The following CFAP65 variants were observed in gnomAD, a reference collection of about 807,000 sequenced individuals.
CFAP65 encodes cilia- and flagella-associated protein 65.
In CFAP65, 155 loss-of-function variants were observed where a neutral mutation model predicts 208.0. The ratio of observed to expected loss-of-function variants is 0.75; its 90% confidence interval spans 0.65 to 0.85. CFAP65 has a LOEUF of 0.85. Among genes scored for constraint, CFAP65 ranks in the 40% least tolerant of loss-of-function variants. CFAP65 has a pLI of 0.00. For synonymous variants in CFAP65, 970 were observed against 986.3 expected (o/e 0.98, Z 0.31); for missense variants, 2,294 against 2,451.3 (o/e 0.94, Z 1.36).
intron 24 of CFAP65, among the ~76,000 whole-genome samples, chr2:219,012,983 AAAG>A (rs1946586207): frequency 6.6e-6 from 1 of 152,212 alleles, no homozygotes; most frequent in African/African-American, 2.4e-5. Context: ...GTTCATGGTC[AAAG>A]AAGTTTGAAG....
Position 219,028,374 on chromosome 2 carries a change from T to C in CFAP65, c.1678A>G (p.Thr560Ala), listed in dbSNP as rs543511814. The change falls in exon 12 of 35, where the codon ACC becomes GCC. Residue 560 changes from threonine (T) to alanine (A), a missense_variant. Transcript: ENST00000341552. ...QDPLFLDLMG[T>A]CHSDSTKPAI... ...GGCTTGGTGCTGTCCGAGTGGCAGG[T>C]CCCCATCAGGTCCAGGAACAGTGGG... 1 of 1,600,882 alleles carries C rather than the reference T, an allele frequency of 6.2e-7. No individual in the cohort carries two copies. The highest frequency in any genetic ancestry group is 1.1e-5 in the South Asian group (1 of 90,490).
In CFAP65 at chr2:219,010,641, A is replaced by G; in HGVS notation, c.4213T>C (p.Tyr1405His). Reference sequence around the variant, plus strand: ...GTGTCCCCCATCATATGGGGGTTGTAGCCCACTCCCTGGAAGTGGATGAGG... The same window carrying G: ...GTGTCCCCCATCATATGGGGGTTGTGGCCCACTCCCTGGAAGTGGATGAGG... ...SALIHFQGVG[Y>H]NPHMMGDTAP... The change falls in exon 26 of 35, where the codon TAC (tyrosine) becomes CAC (histidine). Residue 1405 changes from tyrosine to histidine, a missense_variant. Tyr to His is a moderately conservative substitution (Grantham distance 83). Coordinates refer to ENST00000341552, the MANE Select transcript of CFAP65 (RefSeq NM_194302.4). 1 of 1,611,584 alleles carries G rather than the reference A, an allele frequency of 6.2e-7. No individual in the cohort carries two copies. Among genetic ancestry groups the G allele is most frequent in the Non-Finnish European group, 8.5e-7 (1 of 1,179,400 alleles).
rs753846294 is a variant in CFAP65, at chr2:219,009,428, A to G, written c.4485T>C (p.Ala1495=). Residue 1495 remains alanine (A), a synonymous_variant, in exon 28 of 35, where the codon GCT becomes GCC. Coordinates refer to ENST00000341552, the MANE Select transcript of CFAP65 (RefSeq NM_194302.4). ...CCACAAATGGGACCGTCTCTTCAGG[A>G]GCCACCACCCCTATCATGGGACTCA... is the stretch of plus-strand genomic sequence containing the variant. ...VSVSPMIGVV[A]PEETVPFVVT... 5 of 1,612,600 alleles carry G rather than the reference A, an allele frequency of 3.1e-6. No homozygotes were observed. Among genetic ancestry groups the G allele is most frequent in the Non-Finnish European group, 8.5e-7 (1 of 1,179,890 alleles).
At chr2:219,008,705 G>T (rs965944370) in intron 29 of CFAP65, among the ~76,000 whole-genome samples, 2 of 152,104 alleles carry the variant, frequency 1.3e-5, no homozygotes, top group Non-Finnish European at 2.9e-5. Flanking sequence ...CTGCACTCTA[G>T]CCTGGGTGAC....
rs571043216 is a variant in CFAP65, at chr2:219,014,163, C to T, written c.3603-119G>A. ...TCCATGACTCCCGCACTTCATGCACCCATTTGGCAAACTGTCCCATGTGTG... is the reference window on the plus strand; with the variant it reads ...TCCATGACTCCCGCACTTCATGCACTCATTTGGCAAACTGTCCCATGTGTG... On this transcript the variant is annotated intron_variant, in intron 21 of 34. Transcript: ENST00000341552. 41 of 843,872 alleles carry T rather than the reference C, an allele frequency of 4.9e-5. 1 individual carries two copies. The South Asian group carries it at 8.8e-4, about 18-fold the overall frequency. The allele number at this position is 843,872 out of a possible 1,614,324, so 52.3% of individuals were successfully genotyped here. A position where few individuals can be genotyped will look rare whatever the true frequency, so the allele number is the denominator to read the frequency against.
Position 219,013,544 on chromosome 2 carries a change from T to C in CFAP65, c.3821A>G (p.Lys1274Arg). The change falls in exon 23 of 35, where the codon AAG becomes AGG. Residue 1274 changes from lysine to arginine, a missense_variant. Around this residue, in one of 2 missense-constraint regions of CFAP65, gnomAD observed 1,427 missense variants for 1,438.7 expected, o/e 0.99. Coordinates refer to ENST00000341552, the MANE Select transcript of CFAP65 (RefSeq NM_194302.4). ...CAGGATCTCCCGGCCATGGGACACC[T>C]TGAAGAGCACTGGGAGGTGATCAGT... ...IGTDHLPVLFKVSHGREILLN... is the reference protein window; with the variant it reads ...IGTDHLPVLFRVSHGREILLN... 1 of 1,601,348 alleles carries C rather than the reference T, an allele frequency of 6.2e-7. No homozygotes were observed. The highest frequency in any genetic ancestry group is 8.5e-7 in the Non-Finnish European group (1 of 1,175,352).
intron 24 of CFAP65, 85 bp downstream of exon 24, chr2:219,013,174 T>TTG: frequency 1.1e-6 from 1 of 946,436 alleles, no homozygotes; most frequent in Non-Finnish European, 1.7e-6. Context: ...GGCCATGTCT[T>TTG]TGTCACCCTC....
chr2:219,019,372 G>A (rs915932887), intron 20 of CFAP65, 134 bp downstream of exon 20: 8 of 1,052,388 alleles, frequency 7.6e-6, no homozygotes, highest in South Asian at 1.6e-5. Flanking sequence ...AGGGATGGGC[G>A]AGAACTGGGG....
rs1359319677 is a variant in CFAP65, at chr2:219,028,015, T to C, written c.1852-6A>G. 3 of 1,516,830 alleles carry C rather than the reference T, an allele frequency of 2.0e-6. No homozygotes were observed. Among genetic ancestry groups the C allele is most frequent in the South Asian group, 1.3e-5 (1 of 75,202 alleles). 94.0% of individuals were successfully genotyped at this position (1,516,830 alleles called of 1,614,324 possible). A position where few individuals can be genotyped will look rare whatever the true frequency, so the allele number is the denominator to read the frequency against. ...GCCGGCATGTCCTCCAGATCCTGCA[T>C]GGGGAAAGACAGGTGGATAGGGCTC... On this transcript the variant is annotated splice_region_variant and splice_polypyrimidine_tract_variant and intron_variant, in intron 12 of 34. Transcript: ENST00000341552.
intron 26 of CFAP65, among the ~76,000 whole-genome samples, chr2:219,010,323 G>A (rs1946385918): frequency 6.6e-6 from 1 of 152,142 alleles, no homozygotes; most frequent in African/African-American, 2.4e-5. Flanking sequence ...AGCGGCTTGA[G>A]CAGGAACACC....
At chr2:219,040,268 G>A (rs1948590627) in intron 2 of CFAP65, among the ~76,000 whole-genome samples, 2 of 152,024 alleles carry the variant, frequency 1.3e-5, no homozygotes, top group Non-Finnish European at 2.9e-5. Flanking sequence ...TTCAGATTTA[G>A]CAAACAATTT....
intron 29 of CFAP65, among the ~76,000 whole-genome samples, chr2:219,006,879 C>G (rs1313406145): frequency 6.6e-6 from 1 of 151,964 alleles, no homozygotes; most frequent in African/African-American, 2.4e-5. Context: ...AGAGACTCCC[C>G]CATTTTGATC....
chr2:219,003,100 G>A lies in CFAP65; in HGVS notation c.5693+35C>T. The A allele has an allele frequency of 1.9e-6, 3 of 1,543,844 alleles. No homozygotes were observed. The highest frequency in any genetic ancestry group is 2.6e-6 in the Non-Finnish European group (3 of 1,142,122). ...TGGCTGCCCCCGTGGCCCCTCTCGC[G>A]CGGTCTGCGCGGCCGCTGGTCCCGG... On this transcript the variant is annotated intron_variant, in intron 34 of 34. Transcript: ENST00000341552. This position sits in a 1 kb window ranked among gnomAD's most constrained non-coding sequence, Gnocchi z 4.4.
rs897278905 is a variant in CFAP65 at position 219,038,636 on chromosome 2, G to A, written c.154-58C>T. On this transcript the variant is annotated intron_variant, in intron 3 of 34. Transcript: ENST00000341552. ...AGTGACATGAGAAAGAGAGGCTGAG[G>A]GAGGAGACTCTCATGGCCATCCTTG... The A allele has an allele frequency of 4.1e-6, 6 of 1,469,350 alleles. No homozygotes were observed. The African/African-American group carries it at 5.6e-5, about 14-fold the overall frequency. The allele number at this position is 1,469,350 out of a possible 1,614,324, so 91.0% of individuals were successfully genotyped here. A position where few individuals can be genotyped will look rare whatever the true frequency, so the allele number is the denominator to read the frequency against.
At chr2:219,015,756 T>C (rs1365230260) in intron 21 of CFAP65, 3 of 152,186 alleles carry the variant, frequency 2.0e-5, no homozygotes, top group Non-Finnish European at 4.4e-5. Flanking sequence ...CCACTTTCTT[T>C]GTAGTGGTCA....
intron 21 of CFAP65, chr2:219,015,773 A>G (rs575775960): frequency 6.6e-6 from 1 of 152,360 alleles, no homozygotes; most frequent in African/African-American, 2.4e-5. Flanking sequence ...GTCATGAAAA[A>G]AAAGCAGCTG....
At chr2:219,023,704 T>C (rs927176918) in intron 15 of CFAP65, among the ~76,000 whole-genome samples, 2 of 152,216 alleles carry the variant, frequency 1.3e-5, no homozygotes, top group Non-Finnish European at 2.9e-5. Context: ...CAGAGTCTAT[T>C]GCTGGCCTGG....
Position 219,021,947 on chromosome 2 carries a change from GC to G in CFAP65, c.2980-18del, listed in dbSNP as rs1947291792. 6.2e-7 allele frequency: 1 copy of G among 1,612,536 alleles called. No individual in the cohort carries two copies. The highest frequency in any genetic ancestry group is 8.5e-7 in the Non-Finnish European group (1 of 1,179,668). On this transcript the variant is annotated intron_variant, in intron 17 of 34. Transcript: ENST00000341552. ...TTCCTTTGCCTGGAGGCCACAGTCA[GC>G]CAGCCGGGAGTGGGAGCTCCTCCAG...
At chr2:219,039,702 C>T (rs1192343005) in intron 2 of CFAP65, among the ~76,000 whole-genome samples, 6 of 152,210 alleles carry the variant, frequency 3.9e-5, no homozygotes, top group South Asian at 2.1e-4. Flanking sequence ...AATATGTAAT[C>T]GATATGAAAT....
Sources: allele counts gnomAD v4.1 joint callset (sites outside exome capture counted in the v4.1 genomes callset), GRCh38; gene constraint gnomAD v4.1.1; regional missense constraint gnomAD v4.1.1; non-coding constraint Gnocchi (gnomAD v3.1); transcripts MANE v1.5; gene names NCBI Gene and HGNC (gene_info 2026-07-23, HGNC 2026-07-21).